Variants in ARPC2 observed in about 807,000 individuals in gnomAD.
ARPC2 encodes actin-related protein 2/3 complex subunit 2.
In ARPC2, 4 loss-of-function variants were observed where a neutral mutation model predicts 38.6. The ratio of observed to expected loss-of-function variants is 0.10; its 90% CI spans 0.05 to 0.24. The LOEUF is 0.24. Among genes scored for constraint, ARPC2 ranks in the 10% least tolerant of loss-of-function variants. The probability of loss-of-function intolerance (pLI) is 1.00; values close to 1 mark genes in which losing one functional copy is unlikely to be tolerated. For synonymous variants in ARPC2, 125 were observed against 140.8 expected, an observed-to-expected ratio of 0.89 and a Z score of 0.79; for missense variants, 229 against 387.3, an observed-to-expected ratio of 0.59 and a Z score of 3.43.
At chr2:218,225,817 G>T in intron 2 of ARPC2, 103 bp from the exon 3 acceptor site, 1 of 1,078,702 alleles carries the variant, frequency 9.3e-7, no homozygotes, top group Middle Eastern at 2.0e-4. Context: ...AATTTATACA[G>T]AATGGTCTGA....
intron 7 of ARPC2, 57 bp downstream of exon 7, chr2:218,239,541 C>A: frequency 1.5e-6 from 2 of 1,354,824 alleles, no homozygotes; most frequent in Non-Finnish European, 2.1e-6. Flanking sequence ...CCTTTGCACC[C>A]AAACATACCA....
chr2:218,233,142 G>A (rs1051692319), intron 4 of ARPC2: 2 of 151,530 alleles, frequency 1.3e-5, no homozygotes, highest in Non-Finnish European at 2.9e-5. Flanking sequence ...CTGGACTACA[G>A]AGTAAGACCC....
chr2:218,246,390 C>T (rs770198996), intron 8 of ARPC2, among the ~76,000 whole-genome samples: 4 of 151,706 alleles, frequency 2.6e-5, no homozygotes, highest in Non-Finnish European at 5.9e-5. Context: ...ATTAGCTGGG[C>T]GTGGTGGTGT....
intron 4 of ARPC2, 74 bp downstream of exon 4, chr2:218,228,924 T>C: frequency 4.1e-6 from 4 of 986,054 alleles, no homozygotes; most frequent in Non-Finnish European, 6.4e-6. Flanking sequence ...TCATGGAAGA[T>C]CCATGGCACT....
At chr2:218,236,068 C>T (rs370953415) in intron 5 of ARPC2, 1 of 144,008 alleles carries the variant, frequency 6.9e-6, no homozygotes, top group Non-Finnish European at 1.5e-5. Flanking sequence ...CTAGCCTAGG[C>T]GACAGAGCAA....
intron 5 of ARPC2, among the ~76,000 whole-genome samples, chr2:218,237,127 T>G (rs1387125518): frequency 1.3e-5 from 2 of 152,206 alleles, no homozygotes; most frequent in East Asian, 1.9e-4. Flanking sequence ...CCACACACTT[T>G]AAGTATTGAA....
At chr2:218,222,584 T>C (rs188004871) in intron 2 of ARPC2, among the ~76,000 whole-genome samples, 78 of 152,340 alleles carry the variant, frequency 5.1e-4, no homozygotes, top group South Asian at 1.2e-3. Context: ...CTGACACTTA[T>C]AGGAGTTCTG....
In ARPC2 at chr2:218,241,397, A is replaced by G. The variant is rs886560416; in HGVS notation, c.549+1913A>G. Among the ~76,000 whole-genome samples the G allele has an allele frequency of 1.1e-3, 168 of 152,328 alleles. 1 individual carries two copies. Among genetic ancestry groups the G allele is most frequent in the African/African-American group, 4.0e-3 (165 of 41,578 alleles). On this transcript the variant is annotated intron_variant, in intron 7 of 10. Coordinates refer to ENST00000315717, the MANE Select transcript of ARPC2 (RefSeq NM_152862.3). ...TGCTAGTGCTGAACTTGATGAAGGA[A>G]TATATAAATATACATGTATCTCTTG...
At chr2:218,249,745 C>T in intron 9 of ARPC2, 76 bp from the exon 10 acceptor site, 1 of 1,409,856 alleles carries the variant, frequency 7.1e-7, no homozygotes, top group Non-Finnish European at 9.8e-7. Flanking sequence ...CCCTTGATGA[C>T]CTCTCTGATG....
At chr2:218,252,422 T>C (rs1347369644) in intron 10 of ARPC2, among the ~76,000 whole-genome samples, 3 of 152,158 alleles carry the variant, frequency 2.0e-5, no homozygotes, top group African/African-American at 7.2e-5. Flanking sequence ...GCTTGCTGCC[T>C]CTCCAGAACC....
chr2:218,249,710 A>T, intron 9 of ARPC2, 111 bp from the exon 10 acceptor site: 1 of 1,066,310 alleles, frequency 9.4e-7, no homozygotes, highest in Non-Finnish European at 1.4e-6. Context: ...GCCTGGGTCA[A>T]TCCCAGGGTG....
At chr2:218,232,183 A>C (rs940297215) in intron 4 of ARPC2, among the ~76,000 whole-genome samples, 1 of 152,092 alleles carries the variant, frequency 6.6e-6, no homozygotes, top group East Asian at 1.9e-4. Flanking sequence ...GGAGGTTGCA[A>C]TGAGCCGAGA....
At chr2:218,239,806 T>C (rs1429730291) in intron 7 of ARPC2, among the ~76,000 whole-genome samples, 1 of 152,002 alleles carries the variant, frequency 6.6e-6, no homozygotes, top group East Asian at 1.9e-4. Context: ...TTGGTCAGGC[T>C]GGTCTCAAAC....
intron 2 of ARPC2, among the ~76,000 whole-genome samples, chr2:218,222,906 C>T (rs540566063): frequency 5.9e-5 from 9 of 152,150 alleles, no homozygotes; most frequent in Non-Finnish European, 1.3e-4. Flanking sequence ...CACTGTGATT[C>T]TTGACCTTGT....
At chr2:218,237,347 G>A (rs1373458297) in intron 5 of ARPC2, among the ~76,000 whole-genome samples, 1 of 150,878 alleles carries the variant, frequency 6.6e-6, no homozygotes, top group African/African-American at 2.4e-5. Flanking sequence ...CCACAGGCGT[G>A]TACCACCACA....
intron 10 of ARPC2, among the ~76,000 whole-genome samples, chr2:218,251,173 C>T (rs1218594530): frequency 6.6e-6 from 1 of 151,734 alleles, no homozygotes; most frequent in East Asian, 1.9e-4. Context: ...TATTTGCCAG[C>T]ACCCCAGTAC....
chr2:218,217,664 G>A (rs1559473071), intron 2 of ARPC2, 120 bp downstream of exon 2: 2 of 1,091,308 alleles, frequency 1.8e-6, no homozygotes, highest in Non-Finnish European at 2.7e-6. Flanking sequence ...CAGGGTGTAG[G>A]GGCTGCCCCA....
At chr2:218,228,706 T>C (rs1190708751) in intron 3 of ARPC2, 32 bp from the exon 4 acceptor site, 1 of 1,376,708 alleles carries the variant, frequency 7.3e-7, no homozygotes, top group African/African-American at 1.4e-5. Context: ...CATTCCCAAA[T>C]TGTTACGCAA....
At chr2:218,249,075 G>A (rs116610131) in intron 8 of ARPC2, among the ~76,000 whole-genome samples, 298 of 152,290 alleles carry the variant, frequency 2.0e-3, no homozygotes, top group African/African-American at 6.4e-3. Flanking sequence ...GTGGCAGACC[G>A]GAAATAGATT....
Sources: gnomAD v4.1 joint callset for allele counts (sites outside exome capture counted in the v4.1 genomes callset) on GRCh38, gnomAD v4.1.1 for gene constraint, MANE v1.5 for transcripts, NCBI Gene and HGNC (gene_info 2026-07-23, HGNC 2026-07-21) for gene names.